OR9Q1: variants seen among roughly 807,000 people sequenced by gnomAD.
The protein encoded by OR9Q1 is olfactory receptor family 9 subfamily Q member 1.
For missense variants in OR9Q1, 374 were observed against 378.8 expected (o/e 0.99, Z 0.11); for synonymous variants, 153 against 148.6 (o/e 1.03, Z -0.22).
At chr11:58,091,000 A>G (rs1310025250) in intron 2 of OR9Q1, among the ~76,000 whole-genome samples, 2 of 152,052 alleles carry the variant, frequency 1.3e-5, no homozygotes, top group African/African-American at 4.8e-5. Context: ...CCCCTTTATC[A>G]TATTACATTG....
At chr11:58,135,783 G>A (rs1175180394) in intron 2 of OR9Q1, among the ~76,000 whole-genome samples, 1 of 152,160 alleles carries the variant, frequency 6.6e-6, no homozygotes, top group Non-Finnish European at 1.5e-5. Context: ...AAGTGGATTA[G>A]TTTTTTGAGC....
At position 58,137,338 on chromosome 11, in the gene OR9Q1, C is replaced by T. The variant is rs79404123; in HGVS notation, c.-14-42093C>T. On this transcript the variant is annotated intron_variant, in intron 2 of 2. Transcript: ENST00000335397. ...CTTAAATCTGTGCTGGAGATGATGG[C>T]CCTCCGGGGGTGCAGGCTCCCTGTT... is the stretch of plus-strand genomic sequence containing the variant. Among the ~76,000 whole-genome samples the T allele has an allele frequency of 4.2e-3, 640 of 152,168 alleles. 4 individuals carry two copies. Among genetic ancestry groups the T allele is most frequent in the African/African-American group, 0.015 (615 of 41,526 alleles).
intron 2 of OR9Q1, among the ~76,000 whole-genome samples, chr11:58,162,378 G>T (rs1439420346): frequency 2.6e-5 from 4 of 152,188 alleles, no homozygotes; most frequent in Non-Finnish European, 4.4e-5. Context: ...TTTCTAACTT[G>T]CAACAGTAGC....
In OR9Q1 at chr11:58,180,346, G is replaced by A. The variant is rs202097037; in HGVS notation, c.902G>A (p.Arg301Lys). ...LRNKEVKEALRKILNRAKLS is the reference protein window; with the variant it reads ...LRNKEVKEALKKILNRAKLS Reference sequence around the variant, plus strand: ...AACAAGGAAGTGAAGGAGGCCCTGAGAAAAATTCTCAATAGAGCCAAGTTG... The same window carrying A: ...AACAAGGAAGTGAAGGAGGCCCTGAAAAAAATTCTCAATAGAGCCAAGTTG... The change falls in exon 3 of 3, where the codon AGA becomes AAA. Residue 301 changes from arginine to lysine, a missense_variant. Coordinates refer to ENST00000335397, the MANE Select transcript of OR9Q1 (RefSeq NM_001005212.4). 3.1e-6 allele frequency: 5 copies of A among 1,597,904 alleles called. No individual in the cohort carries two copies. In the African/African-American group the frequency reaches 6.7e-5, roughly 21 times the overall value.
chr11:58,029,990 C>T (rs1192579946), intron 1 of OR9Q1, among the ~76,000 whole-genome samples: 1 of 151,968 alleles, frequency 6.6e-6, no homozygotes, highest in Non-Finnish European at 1.5e-5. Context: ...TACAGGTGCC[C>T]ACCACCACGC....
At chr11:58,151,211 G>A (rs1007316518) in intron 2 of OR9Q1, among the ~76,000 whole-genome samples, 1 of 152,174 alleles carries the variant, frequency 6.6e-6, no homozygotes, top group Non-Finnish European at 1.5e-5. Context: ...TACAATGAGA[G>A]GAGATGTCAT....
At chr11:58,030,197 T>C (rs1030952079) in intron 1 of OR9Q1, among the ~76,000 whole-genome samples, 2 of 152,166 alleles carry the variant, frequency 1.3e-5, no homozygotes, top group African/African-American at 2.4e-5. Flanking sequence ...GTAAAAAGAA[T>C]AGCATTGCTT....
intron 2 of OR9Q1, among the ~76,000 whole-genome samples, chr11:58,095,108 C>G (rs184526373): frequency 6.6e-6 from 1 of 152,326 alleles, no homozygotes; most frequent in Admixed American, 6.5e-5. Flanking sequence ...TTGTATCATA[C>G]AAAAACTGAC....
In OR9Q1 at chr11:58,056,619, G is replaced by T. The variant is rs559787821; in HGVS notation, c.-15+672G>T. ...TTGTGGATTTTCTATGGCTGCATTT[G>T]CACTACAACAGCAGAGTTGAGTAGT... On this transcript the variant is annotated intron_variant, in intron 2 of 2. Transcript: ENST00000335397. 9.8e-5 allele frequency among the ~76,000 whole-genome samples: 15 copies of T among 152,296 alleles called. 1 individual carries two copies. The highest frequency in any genetic ancestry group is 2.6e-4 in the African/African-American group (11 of 41,560).
At chr11:58,109,703 T>TACGGCGACCACC in intron 2 of OR9Q1, 1 of 397,384 alleles carries the variant, frequency 2.5e-6, no homozygotes, top group Non-Finnish European at 5.0e-6. Context: ...ATAATGAAAT[T>TACGGCGACCACC]GAGATTCCAG....
At chr11:58,122,062 G>A (rs1854038868) in intron 2 of OR9Q1, among the ~76,000 whole-genome samples, 1 of 152,128 alleles carries the variant, frequency 6.6e-6, no homozygotes, top group Non-Finnish European at 1.5e-5. Flanking sequence ...ATTCCACTGG[G>A]ACCTGCCAGG....
intron 1 of OR9Q1, among the ~76,000 whole-genome samples, chr11:58,054,139 T>A (rs910758065): frequency 6.6e-6 from 1 of 152,156 alleles, no homozygotes; most frequent in Non-Finnish European, 1.5e-5. Context: ...TATACCTGAA[T>A]AAAGCTGAAA....
At chr11:58,037,346 GCTTTATTCA>G (rs1405035607) in intron 1 of OR9Q1, among the ~76,000 whole-genome samples, 1 of 151,980 alleles carries the variant, frequency 6.6e-6, no homozygotes, top group Non-Finnish European at 1.5e-5. Flanking sequence ...GTGAGAGCTT[GCTTTATTCA>G]CTTATTTCTG....
chr11:58,030,908 C>A, intron 1 of OR9Q1: 1 of 1,227,494 alleles, frequency 8.1e-7, no homozygotes, highest in Non-Finnish European at 1.2e-6. Context: ...TTTGAGCTCT[C>A]ATTGTCTATG....
chr11:58,028,376 A>T (rs1327510790), intron 1 of OR9Q1, among the ~76,000 whole-genome samples: 1 of 152,228 alleles, frequency 6.6e-6, no homozygotes. Context: ...TGAGTCACAG[A>T]TGAAAGGACA....
intron 2 of OR9Q1, among the ~76,000 whole-genome samples, chr11:58,084,542 A>G (rs1340399650): frequency 6.6e-6 from 1 of 151,880 alleles, no homozygotes; most frequent in Non-Finnish European, 1.5e-5. Context: ...TAAATCCTCA[A>G]GCAAATACTA....
chr11:58,088,271 G>T (rs1853652374), intron 2 of OR9Q1, among the ~76,000 whole-genome samples: 1 of 151,930 alleles, frequency 6.6e-6, no homozygotes, highest in Non-Finnish European at 1.5e-5. Context: ...AAATAGTGCT[G>T]CAATAAACAT....
chr11:58,156,948 C>G (rs1303096328), intron 2 of OR9Q1, among the ~76,000 whole-genome samples: 1 of 152,088 alleles, frequency 6.6e-6, no homozygotes, highest in Non-Finnish European at 1.5e-5. Context: ...AAAGTTTGAA[C>G]TTTTTTATAA....
chr11:58,161,288 C>G (rs777939468), intron 2 of OR9Q1, among the ~76,000 whole-genome samples: 9 of 146,854 alleles, frequency 6.1e-5, no homozygotes, highest in Non-Finnish European at 1.4e-4. Context: ...GAACCAAAAA[C>G]ATTTAAACTT....
Sources: allele counts gnomAD v4.1 joint callset (sites outside exome capture counted in the v4.1 genomes callset), GRCh38; gene constraint gnomAD v4.1.1; transcripts MANE v1.5; gene names NCBI Gene and HGNC (gene_info 2026-07-23, HGNC 2026-07-21).